KLF8: variants seen among roughly 807,000 people sequenced by gnomAD.
The protein encoded by KLF8 is KLF transcription factor 8, also known as Krueppel-like factor 8.
Under a neutral mutation model 18.2 loss-of-function variants are expected in KLF8, and 10 were observed. The observed-to-expected ratio is 0.55, with a 90% CI of 0.34 to 0.93. The LOEUF (loss-of-function observed/expected upper bound fraction) is 0.93. Ranked by LOEUF, KLF8 falls within the 40% of genes least tolerant of loss-of-function variation. KLF8 has a pLI of 0.02. For missense variants in KLF8, 264 were observed against 277.9 expected, an observed-to-expected ratio of 0.95 and a Z score of 0.36; for synonymous variants, 109 against 97.3, an observed-to-expected ratio of 1.12 and a Z score of -0.71.
At chrX:56,215,955 A>G in the KLF8 span, among the ~76,000 whole-genome samples, 1 of 107,542 alleles carries the variant, frequency 9.3e-6, no homozygotes, top group African/African-American at 3.4e-5. Flanking sequence ...TCCAAAACCA[A>G]ATTTATAATA....
chrX:56,085,676 A>G, the KLF8 span, among the ~76,000 whole-genome samples: 1 of 112,581 alleles, frequency 8.9e-6, no homozygotes, highest in Non-Finnish European at 1.9e-5. Flanking sequence ...AATCAAGTTT[A>G]CACATGAAAG....
the KLF8 span, among the ~76,000 whole-genome samples, chrX:56,017,402 G>A: frequency 3.6e-5 from 4 of 112,625 alleles, no homozygotes; most frequent in South Asian, 1.5e-3. Flanking sequence ...TTCTGCCCTG[G>A]AGGAGGCAGA....
chrX:56,108,447 C>G, the KLF8 span, among the ~76,000 whole-genome samples: 2 of 111,735 alleles, frequency 1.8e-5, no homozygotes, highest in Admixed American at 1.9e-4. Flanking sequence ...GTTTCTGCAT[C>G]AACTGAGAAG....
the KLF8 span, among the ~76,000 whole-genome samples, chrX:56,178,012 G>T: frequency 8.9e-6 from 1 of 111,732 alleles, no homozygotes; most frequent in African/African-American, 3.2e-5. Context: ...CCCTTTCTTT[G>T]GCTGGGAAAG....
chrX:56,000,472 TC>T, the KLF8 span, among the ~76,000 whole-genome samples: 23,163 of 47,123 alleles, frequency 0.49, 5,146 homozygotes, highest in East Asian at 0.65. Flanking sequence ...CTGTGCTTTT[TC>T]TTGGGGGGGG....
chrX:56,140,648 G>A, the KLF8 span, among the ~76,000 whole-genome samples: 1 of 109,624 alleles, frequency 9.1e-6, no homozygotes, highest in Non-Finnish European at 1.9e-5. Flanking sequence ...ACTGCTTATT[G>A]AGTACTATGT....
the KLF8 span, among the ~76,000 whole-genome samples, chrX:56,170,232 C>G: frequency 9.1e-6 from 1 of 109,906 alleles, no homozygotes; most frequent in Non-Finnish European, 1.9e-5. Flanking sequence ...TAAACAAACA[C>G]AAAATATGAA....
intron 5 of KLF8, among the ~76,000 whole-genome samples, chrX:56,283,941 TC>T (rs2067237076): frequency 8.9e-6 from 1 of 112,098 alleles, no homozygotes; most frequent in African/African-American, 3.2e-5. Context: ...GCTATGTGCT[TC>T]CCACTCTAAC....
Position 56,284,347 on chromosome X carries a change from C to T in KLF8, c.933C>T (p.Cys311=), listed in dbSNP as rs2067243698. 1 of 1,178,474 alleles carries T rather than the reference C, an allele frequency of 8.5e-7. No homozygotes were observed. Among genetic ancestry groups the T allele is most frequent in the East Asian group, 3.1e-5 (1 of 32,591 alleles). ...CTTATAAATGCACCTGGGATGGCTG[C>T]TCCTGGAAATTTGCTCGCTCAGATG... ...EKPYKCTWDG[C]SWKFARSDEL... Residue 311 remains cysteine (C), a synonymous_variant, in exon 6 of 6, where the codon TGC becomes TGT. Transcript: ENST00000468660.
At chrX:56,229,515 G>A (rs904250577), upstream of KLF8, among the ~76,000 whole-genome samples, 2 of 111,882 alleles carry the variant, frequency 1.8e-5, no homozygotes, top group African/African-American at 6.5e-5. Context: ...AAAACTTCTA[G>A]TTCCCCATAC....
At chrX:56,280,052 C>T (rs2067179727) in intron 5 of KLF8, among the ~76,000 whole-genome samples, 1 of 111,565 alleles carries the variant, frequency 9.0e-6, no homozygotes, top group Admixed American at 9.5e-5. Context: ...CTTTGCTTAT[C>T]TGCAAAGACC....
chrX:56,188,795 G>T, the KLF8 span, among the ~76,000 whole-genome samples: 3 of 112,246 alleles, frequency 2.7e-5, no homozygotes, highest in Non-Finnish European at 5.6e-5. Flanking sequence ...AACAAATGGT[G>T]CTGGGAAAAC....
the KLF8 span, among the ~76,000 whole-genome samples, chrX:56,157,486 A>G: frequency 9.0e-6 from 1 of 111,271 alleles, no homozygotes; most frequent in Non-Finnish European, 1.9e-5. Flanking sequence ...TAATGGTTTA[A>G]CTAGTTTACA....
chrX:55,968,337 T>G, the KLF8 span, among the ~76,000 whole-genome samples: 12 of 112,158 alleles, frequency 1.1e-4, no homozygotes, highest in South Asian at 3.7e-3. Context: ...TGCAATAATT[T>G]GTTTCCTACA....
At chrX:56,263,009 A>AT (rs1298922560) in intron 2 of KLF8, among the ~76,000 whole-genome samples, 2 of 112,045 alleles carry the variant, frequency 1.8e-5, no homozygotes, top group African/African-American at 3.2e-5. Flanking sequence ...AAGAGATAAC[A>AT]TTTTTTCTTT....
At chrX:55,948,620 A>G in the KLF8 span, among the ~76,000 whole-genome samples, 8 of 111,891 alleles carry the variant, frequency 7.1e-5, no homozygotes, top group African/African-American at 2.3e-4. Context: ...ATTGTTTAAT[A>G]TTTCTTTATA....
chrX:56,210,621 C>G, the KLF8 span, among the ~76,000 whole-genome samples: 1 of 110,940 alleles, frequency 9.0e-6, no homozygotes. Flanking sequence ...TTTGAATAAA[C>G]TTTCTACCCC....
At chrX:56,089,839 CACA>C in the KLF8 span, among the ~76,000 whole-genome samples, 1 of 112,546 alleles carries the variant, frequency 8.9e-6, no homozygotes, top group Non-Finnish European at 1.9e-5. Context: ...CTTCCGTGAA[CACA>C]ACAAGGTTCT....
At chrX:56,169,486 G>T in the KLF8 span, among the ~76,000 whole-genome samples, 1 of 110,389 alleles carries the variant, frequency 9.1e-6, no homozygotes, top group African/African-American at 3.3e-5. Context: ...GCCCTGAAAG[G>T]TGTGTCTCAG....
Sources: allele counts gnomAD v4.1 joint callset (sites outside exome capture counted in the v4.1 genomes callset), GRCh38; gene constraint gnomAD v4.1.1; transcripts MANE v1.5; gene names NCBI Gene and HGNC (gene_info 2026-07-23, HGNC 2026-07-21).